Variants in TTC34 observed in about 807,000 individuals in gnomAD.
The protein encoded by TTC34 is tetratricopeptide repeat protein 34.
TTC34 carries 44 observed loss-of-function variants against 40.7 expected under a neutral mutation model. That is an observed-to-expected ratio of 1.08 (90% CI 0.85 to 1.39). The LOEUF is 1.39. Among genes scored for constraint, TTC34 ranks in the 40% most tolerant of loss-of-function variants. The pLI, the probability that TTC34 is intolerant of heterozygous loss-of-function variation, is 0.00. For missense variants in TTC34, 884 were observed against 838.0 expected (o/e 1.05, Z -0.68); for synonymous variants, 422 against 398.6 (o/e 1.06, Z -0.70).
At chr1:2,790,223 C>G in exon 3 of TTC34, 1 of 398,398 alleles carries the variant, frequency 2.5e-6, no homozygotes, top group Non-Finnish European at 4.4e-6. Context: ...CTGGAACTGC[C>G]TCCGCGCCCC....
At chr1:2,641,700 C>T in exon 9 of TTC34, 2 of 1,535,548 alleles carry the variant, frequency 1.3e-6, no homozygotes, top group South Asian at 2.4e-5. Context: ...AGGTCACCAT[C>T]CCCCAGCGCC....
At chr1:2,648,991 A>G (rs1370046809) in intron 6 of TTC34, among the ~76,000 whole-genome samples, 1 of 127,738 alleles carries the variant, frequency 7.8e-6, no homozygotes, top group South Asian at 2.7e-4. Context: ...CAGCCTGGGA[A>G]TGCACCCCCA....
Position 2,645,691 on chromosome 1 carries a change from T to C in TTC34, c.2227-128A>G, listed in dbSNP as rs1639008801. On this transcript the variant is annotated intron_variant, in intron 6 of 8. Coordinates refer to ENST00000401095, the Ensembl canonical transcript of TTC34. This position sits in a 1 kb window ranked among gnomAD's most constrained non-coding sequence, Gnocchi z 4.7. ...CTTCTCCCTGGGGTCCTAGAGGGTC[T>C]GAACACCCAGCTTCCTGCCCCTTCC... 5 of 967,120 alleles carry C rather than the reference T, an allele frequency of 5.2e-6. No individual in the cohort carries two copies. In the South Asian group the frequency reaches 1.3e-4, roughly 26 times the overall value. The allele number at this position is 967,120 out of a possible 1,614,324, so 59.9% of individuals were successfully genotyped here.
At chr1:2,758,716 C>CACCCAGGCGAGCAGCTGACAG (rs1641592898) in intron 6 of TTC34, among the ~76,000 whole-genome samples, 1 of 33,238 alleles carries the variant, frequency 3.0e-5, no homozygotes, top group Non-Finnish European at 5.1e-5. Context: ...AGCAACCACA[C>CACCCAGGCGAGCAGCTGACAG]CCCCAGGCGA....
chr1:2,673,358 A>C (rs1175225241), intron 6 of TTC34, among the ~76,000 whole-genome samples: 3 of 54,782 alleles, frequency 5.5e-5, no homozygotes, highest in African/African-American at 6.8e-5. Flanking sequence ...ACCCACGGCC[A>C]CAGGCGAGCA....
intron 3 of TTC34, 78 bp downstream of exon 3, chr1:2,789,425 G>C: frequency 7.4e-7 from 1 of 1,359,046 alleles, no homozygotes; most frequent in Non-Finnish European, 9.8e-7. Flanking sequence ...TTGTAAAATA[G>C]GAGGAAACAC....
chr1:2,641,229 GAGGGCTGGGAAGGGGGTGTGGAGAGGGC>G (rs1638894760), exon 9 of TTC34: 2 of 935,052 alleles, frequency 2.1e-6, no homozygotes, highest in Non-Finnish European at 3.0e-6. Context: ...GGTGTGTGGG[GAGGGCTGGGAAGGGGGTGTGGAGAGGGC>G]AGGGCAGGTA....
At chr1:2,783,823 TC>T in intron 5 of TTC34, 48 bp from the exon 6 acceptor site, 1 of 1,392,386 alleles carries the variant, frequency 7.2e-7, no homozygotes, top group Non-Finnish European at 9.4e-7. Context: ...CTGGGTCCCT[TC>T]CCCAGCATCT....
At chr1:2,755,464 C>G (rs1316468756) in intron 6 of TTC34, among the ~76,000 whole-genome samples, 2 of 73,168 alleles carry the variant, frequency 2.7e-5, no homozygotes, top group African/African-American at 1.1e-4. Context: ...ACCCACACCC[C>G]CAGGTGAACA....
At chr1:2,682,490 T>C (rs1198040032) in intron 6 of TTC34, among the ~76,000 whole-genome samples, 2 of 18,708 alleles carry the variant, frequency 1.1e-4, no homozygotes, top group Non-Finnish European at 2.8e-4. Context: ...CATCGGAGAG[T>C]CAGGAGCAGT....
chr1:2,682,686 ACAGCCTGGAGCAGC>A (rs1640132480), intron 6 of TTC34, among the ~76,000 whole-genome samples: 1 of 138,252 alleles, frequency 7.2e-6, no homozygotes. Flanking sequence ...CGAGCATCCG[ACAGCCTGGAGCAGC>A]ACCCACACAC....
chr1:2,637,756 A>G (rs531776072), exon 9 of TTC34: 1 of 152,226 alleles, frequency 6.6e-6, no homozygotes, highest in Non-Finnish European at 1.5e-5. Flanking sequence ...TAGACAGAGA[A>G]TCAGGACTGC....
exon 9 of TTC34, chr1:2,640,799 G>A (rs1379887607): frequency 1.3e-5 from 2 of 151,680 alleles, no homozygotes; most frequent in African/African-American, 2.4e-5. Flanking sequence ...TCCCAGGCCA[G>A]GGACGAGACC....
intron 6 of TTC34, among the ~76,000 whole-genome samples, chr1:2,691,763 C>A (rs532820997): frequency 2.8e-5 from 2 of 72,142 alleles, no homozygotes; most frequent in African/African-American, 9.3e-5. Context: ...AGCATCTGAA[C>A]GCAAATAGCA....
chr1:2,754,036 C>T (rs1269336282), intron 6 of TTC34, among the ~76,000 whole-genome samples: 5 of 87,184 alleles, frequency 5.7e-5, no homozygotes, highest in Non-Finnish European at 1.0e-4. Flanking sequence ...GAGCATCCGA[C>T]AGCCTGGAGC....
chr1:2,682,087 G>T (rs111906032), intron 6 of TTC34, among the ~76,000 whole-genome samples: 4 of 120,592 alleles, frequency 3.3e-5, no homozygotes, highest in African/African-American at 6.3e-5. Context: ...GCATCTGACA[G>T]CCTGGAGCAG....
At chr1:2,683,150 G>T (rs147133966) in intron 6 of TTC34, among the ~76,000 whole-genome samples, 6 of 55,800 alleles carry the variant, frequency 1.1e-4, no homozygotes, top group East Asian at 5.9e-4. Context: ...AGCACGCACA[G>T]CCCCAGGAGA....
At chr1:2,753,998 GCACA>G (rs1641416466) in intron 6 of TTC34, among the ~76,000 whole-genome samples, 1 of 66,416 alleles carries the variant, frequency 1.5e-5, no homozygotes, top group Non-Finnish European at 2.6e-5. Flanking sequence ...GTATCTGTAC[GCACA>G]GAGCAGCACC....
intron 6 of TTC34, among the ~76,000 whole-genome samples, chr1:2,764,320 C>T (rs1641729397): frequency 6.9e-6 from 1 of 143,940 alleles, no homozygotes; most frequent in Non-Finnish European, 1.5e-5. Context: ...GAGCATCTGA[C>T]AGCCTGGAGC....
Sources: allele counts gnomAD v4.1 joint callset (sites outside exome capture counted in the v4.1 genomes callset), GRCh38; gene constraint gnomAD v4.1.1; non-coding constraint Gnocchi (gnomAD v3.1); transcripts MANE v1.5; gene names NCBI Gene and HGNC (gene_info 2026-07-23, HGNC 2026-07-21).